The following NFIC variants were observed in gnomAD, a reference collection of about 807,000 sequenced individuals.
NFIC encodes nuclear factor 1 C-type.
In NFIC, 12 loss-of-function variants were observed where a neutral mutation model predicts 54.4. That is an observed-to-expected ratio of 0.22 (90% CI 0.14 to 0.36). NFIC has a LOEUF of 0.36. NFIC is among the 10% of genes least tolerant of loss of function. The pLI is 1.00. For missense variants in NFIC, 575 were observed against 718.2 expected, an observed-to-expected ratio of 0.80 and a Z score of 2.28; for synonymous variants, 322 against 319.2, an observed-to-expected ratio of 1.01 and a Z score of -0.09.
chr19:3,392,190 A>T (rs113879192), intron 2 of NFIC, among the ~76,000 whole-genome samples: 4,165 of 149,696 alleles, frequency 0.028, 177 homozygotes, highest in African/African-American at 0.097. Context: ...TCCTGCCTCA[A>T]CCTCCCGAAT....
At chr19:3,394,882 A>G (rs78233231) in intron 2 of NFIC, among the ~76,000 whole-genome samples, 4,224 of 152,142 alleles carry the variant, frequency 0.028, 213 homozygotes, top group African/African-American at 0.097. Flanking sequence ...GTCTAGTTTC[A>G]TCCCAGAACC....
At chr19:3,408,705 A>G (rs1163910641) in intron 2 of NFIC, among the ~76,000 whole-genome samples, 1 of 152,098 alleles carries the variant, frequency 6.6e-6, no homozygotes, top group Admixed American at 6.6e-5. Flanking sequence ...GGGTTCAAGC[A>G]GTTCTCCTGC....
At chr19:3,433,780 C>G (rs1360245338) in intron 4 of NFIC, among the ~76,000 whole-genome samples, 188 bp downstream of exon 4, 1 of 152,120 alleles carries the variant, frequency 6.6e-6, no homozygotes, top group African/African-American at 2.4e-5. Flanking sequence ...TCCCTCCCAC[C>G]TCTCCAGGAA....
At chr19:3,401,934 C>T (rs1451588404) in intron 2 of NFIC, among the ~76,000 whole-genome samples, 1 of 152,080 alleles carries the variant, frequency 6.6e-6, no homozygotes, top group Admixed American at 6.6e-5. Flanking sequence ...GTTGGCCAGG[C>T]TGGTCTCAAA....
rs2082734883 is a variant in NFIC, at chr19:3,467,758, C to CATATATATATATGTATATATAT, written c.*5001_*5002insGTATATATATATATATATATAT. On this transcript the variant is annotated 3_prime_UTR_variant, in exon 11 of 11. Transcript: ENST00000443272. ...ACCTCCAGTGTAGGGCTATACTATACATATATATATATATATATATATATA... is the reference window on the plus strand; with the variant it reads ...ACCTCCAGTGTAGGGCTATACTATACATATATATATATGTATATATATATATATATATATATATATATATATA... 2 of 69,650 alleles carry CATATATATATATGTATATATAT rather than the reference C, an allele frequency of 2.9e-5. No individual in the cohort carries two copies. The highest frequency in any genetic ancestry group is 4.7e-5 in the Non-Finnish European group (2 of 42,340). The allele number at this position is 69,650 out of a possible 1,614,324, so 4.3% of individuals were successfully genotyped here. A position where few individuals can be genotyped will look rare whatever the true frequency, so the allele number is the denominator to read the frequency against.
At chr19:3,408,042 G>A (rs1373061737) in intron 2 of NFIC, among the ~76,000 whole-genome samples, 1 of 152,280 alleles carries the variant, frequency 6.6e-6, no homozygotes, top group East Asian at 1.9e-4. Context: ...GCCTGGCTTT[G>A]GTTCTCTCTT....
chr19:3,453,833 C>G lies in NFIC; in HGVS notation c.1340C>G (p.Pro447Arg). 6.3e-7 allele frequency: 1 copy of G among 1,592,612 alleles called. No homozygotes were observed. The highest frequency in any genetic ancestry group is 8.5e-7 in the Non-Finnish European group (1 of 1,170,714). ...LSAQMLAPPPPGLPRLALPPA... is the reference protein window; with the variant it reads ...LSAQMLAPPPRGLPRLALPPA... ...GCTCAGATGCTGGCACCTCCGCCCC[C>G]GGGGCTGCCACGGCTGGCGCTCCCC... Residue 447 changes from proline to arginine, a missense_variant, in exon 9 of 11, where the codon CCG becomes CGG. Pro to Arg is a moderately radical substitution (Grantham distance 103). Transcript: ENST00000443272. The surrounding 1 kb of genome is among the most constrained non-coding windows in gnomAD (Gnocchi z 6.7).
intron 2 of NFIC, among the ~76,000 whole-genome samples, chr19:3,405,106 G>C (rs1342523962): frequency 6.6e-6 from 1 of 152,250 alleles, no homozygotes; most frequent in Admixed American, 6.5e-5. Context: ...ACTTTTCTTT[G>C]AAAGTGATTC....
At chr19:3,425,073 G>A (rs371686425) in intron 2 of NFIC, 33 bp from the exon 3 acceptor site, 6 of 1,610,872 alleles carry the variant, frequency 3.7e-6, no homozygotes, top group Non-Finnish European at 4.2e-6. Flanking sequence ...GGGTCTCTGT[G>A]ATGCCACCAG....
intron 2 of NFIC, among the ~76,000 whole-genome samples, chr19:3,414,766 T>C (rs1179481083): frequency 6.6e-6 from 1 of 152,128 alleles, no homozygotes; most frequent in African/African-American, 2.4e-5. Flanking sequence ...TCTAAAATGC[T>C]GCAAACCCCG....
chr19:3,465,750 G>C lies in NFIC; in HGVS notation c.*2981G>C, dbSNP rs1012734953. ...GACACCATTCACCGACCCACTGCAG[G>C]CTGTCCTCCAACCATGGGGTGGCCA... On this transcript the variant is annotated 3_prime_UTR_variant, in exon 11 of 11. Transcript: ENST00000443272. The C allele has an allele frequency of 2.0e-5, 3 of 152,258 alleles. No homozygotes were observed. The highest frequency in any genetic ancestry group is 2.9e-5 in the Non-Finnish European group (2 of 68,108). The allele number at this position is 152,258 out of a possible 1,614,324, so 9.4% of individuals were successfully genotyped here.
chr19:3,365,343 G>A (rs1425773143), upstream of NFIC, among the ~76,000 whole-genome samples: 1 of 152,228 alleles, frequency 6.6e-6, no homozygotes, highest in African/African-American at 2.4e-5. Context: ...TCAAGGCTCT[G>A]CTAAGGTCAT....
chr19:3,449,050 A>G lies in NFIC; in HGVS notation c.995A>G (p.Lys332Arg). 2 of 1,613,436 alleles carry G rather than the reference A, an allele frequency of 1.2e-6. No homozygotes were observed. Among genetic ancestry groups the G allele is most frequent in the Non-Finnish European group, 1.7e-6 (2 of 1,179,776 alleles). Residue 332 changes from lysine (K) to arginine (R), a missense_variant, in exon 7 of 11, where the codon AAG (lysine) becomes AGG (arginine). Coordinates refer to ENST00000443272, the MANE Select transcript of NFIC (RefSeq NM_001245002.2). ...SSPVKKTEMD[K>R]SPFNSPSPQD... ...CCGGTGAAGAAGACAGAGATGGACA[A>G]GTCACCATTCAACAGCCCGTCCCCC...
intron 5 of NFIC, among the ~76,000 whole-genome samples, 192 bp from the exon 6 acceptor site, chr19:3,434,891 A>C (rs1039657278): frequency 1.3e-5 from 2 of 152,316 alleles, no homozygotes. Context: ...CGGGTGTCCC[A>C]TCCAAGCAAT....
At chr19:3,385,375 C>G (rs1033745055) in intron 2 of NFIC, among the ~76,000 whole-genome samples, 4 of 152,090 alleles carry the variant, frequency 2.6e-5, no homozygotes, top group African/African-American at 9.7e-5. Context: ...GGGCTCAAAA[C>G]TGGTTGCCTT....
intron 1 of NFIC, among the ~76,000 whole-genome samples, chr19:3,374,839 C>G (rs1422765810): frequency 2.6e-5 from 4 of 152,144 alleles, no homozygotes; most frequent in Non-Finnish European, 4.4e-5. Context: ...GGCCCTGCCT[C>G]TCACGTGGTC....
At chr19:3,419,156 C>G (rs756125253) in intron 2 of NFIC, among the ~76,000 whole-genome samples, 2 of 151,940 alleles carry the variant, frequency 1.3e-5, no homozygotes, top group Admixed American at 6.6e-5. Flanking sequence ...AGGATGGTGG[C>G]GATGGCTGCA....
At chr19:3,374,110 A>G (rs993060130) in intron 1 of NFIC, among the ~76,000 whole-genome samples, 1 of 152,176 alleles carries the variant, frequency 6.6e-6, no homozygotes, top group Non-Finnish European at 1.5e-5. Context: ...AGGATTGTTG[A>G]GTCACTTTTA....
intron 1 of NFIC, among the ~76,000 whole-genome samples, chr19:3,360,211 C>T (rs920267554): frequency 1.4e-5 from 2 of 145,514 alleles, no homozygotes; most frequent in African/African-American, 4.9e-5. Flanking sequence ...CGGAGAGGGG[C>T]GGAGAGCGCG....
Sources: allele counts gnomAD v4.1 joint callset (sites outside exome capture counted in the v4.1 genomes callset), GRCh38; gene constraint gnomAD v4.1.1; non-coding constraint Gnocchi (gnomAD v3.1); transcripts MANE v1.5; gene names NCBI Gene and HGNC (gene_info 2026-07-23, HGNC 2026-07-21).